The following CSNK1E variants were observed in gnomAD, a reference collection of about 807,000 sequenced individuals.
The protein encoded by CSNK1E is casein kinase I isoform epsilon.
In CSNK1E, 17 loss-of-function variants were observed where a neutral mutation model predicts 46.1. That is an observed-to-expected ratio of 0.37 (90% CI 0.25 to 0.55). CSNK1E has a LOEUF of 0.55. CSNK1E is among the 20% of genes least tolerant of loss of function. CSNK1E has a pLI of 0.82. For synonymous variants in CSNK1E, 241 were observed against 242.6 expected (o/e 0.99, Z 0.06); for missense variants, 386 against 595.4 (o/e 0.65, Z 3.66).
rs1305036355 is a variant in CSNK1E at position 38,302,606 on chromosome 22, G to A, written c.336+255C>T. On this transcript the variant is annotated intron_variant, in intron 4 of 10. Transcript: ENST00000396832. ...GGTGCCTGTAATCCCAGCTACTCATGAGGCTGAGGCAGGAGAATCGCGTGA... is the reference window on the plus strand; with the variant it reads ...GGTGCCTGTAATCCCAGCTACTCATAAGGCTGAGGCAGGAGAATCGCGTGA... 2.0e-5 allele frequency among the ~76,000 whole-genome samples: 3 copies of A among 152,212 alleles called. No homozygotes were observed. In the South Asian group the frequency reaches 6.2e-4, roughly 31 times the overall value.
At chr22:38,308,852 C>T (rs755877525) in intron 2 of CSNK1E, among the ~76,000 whole-genome samples, 10 of 152,044 alleles carry the variant, frequency 6.6e-5, no homozygotes, top group African/African-American at 1.2e-4. Flanking sequence ...GCAGGTGCAG[C>T]GGGAACCATG....
chr22:38,314,369 G>A (rs1426904448), intron 1 of CSNK1E, among the ~76,000 whole-genome samples, 200 bp from the exon 2 acceptor site: 1 of 152,168 alleles, frequency 6.6e-6, no homozygotes, highest in Non-Finnish European at 1.5e-5. Flanking sequence ...AGGTTTCAGT[G>A]TGGCCAGAGA....
Position 38,302,846 on chromosome 22 carries a change from G to A in CSNK1E, c.336+15C>T, listed in dbSNP as rs1687783821. The stretch of plus-strand genomic sequence containing the variant: ...CACAGGCATCTGGCTGGGGATGGAG[G>A]GGACGGGGACTCACCATCTGGTCGG... On this transcript the variant is annotated intron_variant, in intron 4 of 10. Coordinates refer to ENST00000396832, the MANE Select transcript of CSNK1E (RefSeq NM_152221.3). The A allele has an allele frequency of 6.2e-7, 1 of 1,613,646 alleles. No individual in the cohort carries two copies. The highest frequency in any genetic ancestry group is 1.3e-5 in the African/African-American group (1 of 75,050).
chr22:38,296,865 C>T (rs1305357092), intron 7 of CSNK1E: 2 of 722,894 alleles, frequency 2.8e-6, no homozygotes, highest in Non-Finnish European at 4.5e-6. Context: ...ATCTCTGCCT[C>T]CTGGGTTCAA....
At chr22:38,296,283 T>C in intron 7 of CSNK1E, 1 of 1,246,370 alleles carries the variant, frequency 8.0e-7, no homozygotes, top group Non-Finnish European at 1.0e-6. Context: ...CGTCATCATA[T>C]GGACCTCTGT....
chr22:38,298,715 A>C lies in CSNK1E; in HGVS notation c.885+71T>G. 1 of 1,576,150 alleles carries C rather than the reference A, an allele frequency of 6.3e-7. No individual in the cohort carries two copies. Among genetic ancestry groups the C allele is most frequent in the Admixed American group, 1.7e-5 (1 of 59,664 alleles). On this transcript the variant is annotated intron_variant, in intron 7 of 10. Coordinates refer to ENST00000396832, the MANE Select transcript of CSNK1E (RefSeq NM_152221.3). This position sits in a 1 kb window ranked among gnomAD's most constrained non-coding sequence, Gnocchi z 4.2. ...CGGGAGCCCCTCCCGCCACCAGCTC[A>C]CTCTGGCCCTCTGAGTCAGGGCCTT...
chr22:38,306,160 CTCATT>C (rs1455080003), intron 2 of CSNK1E, among the ~76,000 whole-genome samples: 2 of 152,190 alleles, frequency 1.3e-5, no homozygotes, highest in Admixed American at 1.3e-4. Context: ...ATTCCACACT[CTCATT>C]TCAGTTTTCT....
At chr22:38,315,817 G>A (rs2092742536) in intron 1 of CSNK1E, among the ~76,000 whole-genome samples, 1 of 152,102 alleles carries the variant, frequency 6.6e-6, no homozygotes, top group Non-Finnish European at 1.5e-5. Flanking sequence ...CCTCTGTCTG[G>A]GTGTCTTACA....
chr22:38,295,620 A>G (rs2092636353), intron 7 of CSNK1E, among the ~76,000 whole-genome samples: 1 of 152,120 alleles, frequency 6.6e-6, no homozygotes, highest in African/African-American at 2.4e-5. Context: ...AATCTTAGTG[A>G]GGCACCAAGG....
Position 38,303,470 on chromosome 22 carries a change from G to A in CSNK1E, c.77-222C>T, listed in dbSNP as rs1364694495. On this transcript the variant is annotated intron_variant, in intron 2 of 10. Coordinates refer to ENST00000396832, the MANE Select transcript of CSNK1E (RefSeq NM_152221.3). The surrounding 1 kb of genome is among the most constrained non-coding windows in gnomAD (Gnocchi z 4.7). ...GTGAGGGACAGAGGTGACACACAAG[G>A]GCTACCCAGGGCCACAGGTTGGGGC... 6.6e-6 allele frequency among the ~76,000 whole-genome samples: 1 copy of A among 152,194 alleles called. No individual in the cohort carries two copies. Among genetic ancestry groups the A allele is most frequent in the Non-Finnish European group, 1.5e-5 (1 of 68,018 alleles).
Position 38,303,064 on chromosome 22 carries a change from GC to G in CSNK1E, c.188-56del. 1 of 1,602,344 alleles carries G rather than the reference GC, an allele frequency of 6.2e-7. No individual in the cohort carries two copies. The highest frequency in any genetic ancestry group is 8.5e-7 in the Non-Finnish European group (1 of 1,174,664). ...GGGTCAGAGGCAGGCAGCCAGCCAC[GC>G]CCGGCCCACCCTGTGCTCATGGCTG... On this transcript the variant is annotated intron_variant, in intron 3 of 10. Coordinates refer to ENST00000396832, the MANE Select transcript of CSNK1E (RefSeq NM_152221.3). This position sits in a 1 kb window ranked among gnomAD's most constrained non-coding sequence, Gnocchi z 4.7.
intron 2 of CSNK1E, among the ~76,000 whole-genome samples, chr22:38,305,260 C>CCCAGGGAG (rs1359618286): frequency 6.6e-6 from 1 of 151,848 alleles, no homozygotes; most frequent in Non-Finnish European, 1.5e-5. Flanking sequence ...GACGGTGGTT[C>CCCAGGGAG]CCAGGGAGGG....
rs1010052131 is a variant in CSNK1E at position 38,303,354 on chromosome 22, C to A, written c.77-106G>T. 12 of 967,088 alleles carry A rather than the reference C, an allele frequency of 1.2e-5. No homozygotes were observed. In the Admixed American group the frequency reaches 1.7e-4, roughly 14 times the overall value. The allele number at this position is 967,088 out of a possible 1,614,324, so 59.9% of individuals were successfully genotyped here. The stretch of plus-strand genomic sequence containing the variant: ...GATCTGGCGTGTGCCGGGCCCGGGG[C>A]CATCTGCCCTTGAGGAGCTCTTGGG... On this transcript the variant is annotated intron_variant, in intron 2 of 10. Coordinates refer to ENST00000396832, the MANE Select transcript of CSNK1E (RefSeq NM_152221.3). This position sits in a 1 kb window ranked among gnomAD's most constrained non-coding sequence, Gnocchi z 4.7.
In CSNK1E at chr22:38,294,267, G is replaced by A; in HGVS notation, c.1079-19C>T. 2 of 1,609,554 alleles carry A rather than the reference G, an allele frequency of 1.2e-6. No homozygotes were observed. The highest frequency in any genetic ancestry group is 2.2e-5 in the South Asian group (2 of 90,930). ...GTATTGCCTGGAGGGAGAGTGGGAA[G>A]CCACCCTCAGAGTAGGCACAAACAG... On this transcript the variant is annotated intron_variant, in intron 8 of 10. Coordinates refer to ENST00000396832, the MANE Select transcript of CSNK1E (RefSeq NM_152221.3). The surrounding 1 kb of genome is among the most constrained non-coding windows in gnomAD (Gnocchi z 5.5).
Position 38,298,156 on chromosome 22 carries a change from C to T in CSNK1E, c.885+630G>A, listed in dbSNP as rs763958585. On this transcript the variant is annotated intron_variant, in intron 7 of 10. Coordinates refer to ENST00000396832, the MANE Select transcript of CSNK1E (RefSeq NM_152221.3). This position sits in a 1 kb window ranked among gnomAD's most constrained non-coding sequence, Gnocchi z 4.2. ...AGGGGCGGGGACAGAAAGGTCCCTT[C>T]GCTGTCATGGGGCTGTCACGGGGCT... 7.7e-7 allele frequency: 1 copy of T among 1,300,916 alleles called. No homozygotes were observed. Among genetic ancestry groups the T allele is most frequent in the East Asian group, 5.6e-5 (1 of 18,002 alleles). 80.6% of individuals were successfully genotyped at this position (1,300,916 alleles called of 1,614,324 possible).
At position 38,296,755 on chromosome 22, in the gene CSNK1E, G is replaced by C. The variant is rs1008174968; in HGVS notation, c.885+2031C>G. On this transcript the variant is annotated intron_variant, in intron 7 of 10. Transcript: ENST00000396832. ...CTCCATAAGGGAGGAACCTAGAGCA[G>C]TGATGTCCACAGAACGTTCTGGATG... is the stretch of plus-strand genomic sequence containing the variant. 2.1e-5 allele frequency: 33 copies of C among 1,553,902 alleles called. No individual in the cohort carries two copies. The African/African-American group carries it at 4.0e-4, about 19-fold the overall frequency.
chr22:38,307,822 G>T (rs771430454), intron 2 of CSNK1E, among the ~76,000 whole-genome samples: 1 of 152,104 alleles, frequency 6.6e-6, no homozygotes, highest in Admixed American at 6.5e-5. Context: ...TCAGCCTCTC[G>T]AGTAGCTGGA....
chr22:38,312,234 G>A (rs980957456), intron 2 of CSNK1E, among the ~76,000 whole-genome samples: 4 of 152,294 alleles, frequency 2.6e-5, no homozygotes, highest in African/African-American at 9.6e-5. Context: ...GATTACAGGC[G>A]CGTGCCGCCA....
At chr22:38,302,744 A>T in intron 4 of CSNK1E, 117 bp downstream of exon 4, 1 of 1,172,842 alleles carries the variant, frequency 8.5e-7, no homozygotes, top group Non-Finnish European at 1.2e-6. Context: ...TTCTATAGCC[A>T]GTGGACAAGG....
Sources: gnomAD v4.1 joint callset for allele counts (sites outside exome capture counted in the v4.1 genomes callset) on GRCh38, gnomAD v4.1.1 for gene constraint, Gnocchi (gnomAD v3.1) non-coding constraint, MANE v1.5 for transcripts, NCBI Gene and HGNC (gene_info 2026-07-23, HGNC 2026-07-21) for gene names.